ZNF345: variants seen among roughly 807,000 people sequenced by gnomAD.
ZNF345 encodes zinc finger protein HZF10.
For missense variants in ZNF345, 527 were observed against 589.9 expected, an observed-to-expected ratio of 0.89 and a Z score of 1.10; for synonymous variants, 166 against 187.9, an observed-to-expected ratio of 0.88 and a Z score of 0.95.
chr19:36,873,934 C>CATGT (rs2072823538), intron 2 of ZNF345, among the ~76,000 whole-genome samples: 1 of 152,088 alleles, frequency 6.6e-6, no homozygotes, highest in Non-Finnish European at 1.5e-5. Flanking sequence ...CTGCTTTGAA[C>CATGT]ATGTGAGTGC....
chr19:36,859,614 G>A (rs956516402), intron 2 of ZNF345, among the ~76,000 whole-genome samples: 3 of 151,802 alleles, frequency 2.0e-5, no homozygotes, highest in African/African-American at 7.3e-5. Flanking sequence ...TTGATGTCCA[G>A]TTTTTGATAT....
At chr19:36,876,378 A>G (rs2072881702) in intron 2 of ZNF345, among the ~76,000 whole-genome samples, 1 of 152,220 alleles carries the variant, frequency 6.6e-6, no homozygotes, top group South Asian at 2.1e-4. Flanking sequence ...TGATAAATGA[A>G]TATGAGAATT....
downstream of ZNF345, among the ~76,000 whole-genome samples, chr19:36,884,062 T>C (rs1339796575): frequency 1.5e-5 from 2 of 136,052 alleles, no homozygotes; most frequent in African/African-American, 6.9e-5. Flanking sequence ...TGATTACAAC[T>C]TATTTATTTT....
At chr19:36,875,910 A>T (rs1469472196) in intron 2 of ZNF345, among the ~76,000 whole-genome samples, 1 of 152,204 alleles carries the variant, frequency 6.6e-6, no homozygotes, top group Non-Finnish European at 1.5e-5. Context: ...TAGTTACTTT[A>T]TGCAAGTATG....
Position 36,878,018 on chromosome 19 carries a change from A to T in ZNF345, c.1188A>T (p.Arg396Ser), listed in dbSNP as rs2072926606. ...ACCAGCTAATCCATACTGGTGAAAG[A>T]CCCTATGAATGTAAAGAATGTGGAA... ...IQHQLIHTGERPYECKECGKS... is the reference protein window; with the variant it reads ...IQHQLIHTGESPYECKECGKS... Residue 396 changes from arginine to serine, a missense_variant, in exon 3 of 3, where the codon AGA (arginine) becomes AGT (serine). Physicochemically the swap from Arg to Ser is moderately radical, Grantham distance 110. Transcript: ENST00000420450. 2 of 1,613,968 alleles carry T rather than the reference A, an allele frequency of 1.2e-6. No homozygotes were observed. The highest frequency in any genetic ancestry group is 1.7e-6 in the Non-Finnish European group (2 of 1,179,944).
At chr19:36,870,951 A>C (rs1258699539) in intron 2 of ZNF345, among the ~76,000 whole-genome samples, 2 of 152,200 alleles carry the variant, frequency 1.3e-5, no homozygotes, top group Non-Finnish European at 2.9e-5. Context: ...ACATAGAGAA[A>C]AAAAGATTAT....
chr19:36,875,511 G>C (rs1406538792), intron 2 of ZNF345, among the ~76,000 whole-genome samples: 2 of 152,092 alleles, frequency 1.3e-5, no homozygotes, highest in Non-Finnish European at 2.9e-5. Context: ...AGGGATATTA[G>C]GTTGAAGAGA....
chr19:36,864,587 C>T (rs1005867293), intron 2 of ZNF345, among the ~76,000 whole-genome samples: 3 of 151,992 alleles, frequency 2.0e-5, no homozygotes, highest in African/African-American at 4.8e-5. Context: ...CCGAGGAAGA[C>T]GCCCTCCCAG....
intron 2 of ZNF345, among the ~76,000 whole-genome samples, chr19:36,872,033 C>A (rs1214935843): frequency 6.6e-6 from 1 of 152,136 alleles, no homozygotes; most frequent in Non-Finnish European, 1.5e-5. Context: ...TCCCAAAGTG[C>A]TGGGATTACA....
chr19:36,854,001 T>G (rs1391745113), intron 2 of ZNF345, among the ~76,000 whole-genome samples: 2 of 152,202 alleles, frequency 1.3e-5, no homozygotes, highest in Non-Finnish European at 2.9e-5. Flanking sequence ...CTTCTACACT[T>G]GATCTGAGCC....
chr19:36,866,710 A>G (rs1011087387), intron 2 of ZNF345, among the ~76,000 whole-genome samples: 4 of 152,128 alleles, frequency 2.6e-5, no homozygotes, highest in African/African-American at 9.6e-5. Context: ...CACCAAGCCT[A>G]GCTAATTTTT....
chr19:36,886,457 A>T (rs1174559284), intron 3 of ZNF345, among the ~76,000 whole-genome samples: 1 of 152,156 alleles, frequency 6.6e-6, no homozygotes, highest in Non-Finnish European at 1.5e-5. Context: ...CCTGCAAACA[A>T]CCTCAGTCTA....
chr19:36,892,506 AT>A, intron 3 of ZNF345: 2 of 1,522,724 alleles, frequency 1.3e-6, no homozygotes, highest in Non-Finnish European at 1.7e-6. Context: ...AAATTTTCCT[AT>A]TCTGGGCAAG....
intron 2 of ZNF345, among the ~76,000 whole-genome samples, chr19:36,869,764 CTTT>C (rs370081401): frequency 4.3e-5 from 6 of 139,634 alleles, no homozygotes; most frequent in African/African-American, 2.6e-5. Context: ...GATCATTTAG[CTTT>C]TTTTTTTTTT....
At chr19:36,868,303 T>C (rs113611814) in intron 2 of ZNF345, among the ~76,000 whole-genome samples, 2,584 of 152,072 alleles carry the variant, frequency 0.017, 81 homozygotes, top group African/African-American at 0.059. Context: ...CGCCCGGCCT[T>C]GAGTTCACAT....
chr19:36,876,913 A>G lies in ZNF345; in HGVS notation c.83A>G (p.Gln28Arg). The change falls in exon 3 of 3, where the codon CAG becomes CGG. Residue 28 changes from glutamine to arginine, a missense_variant. Transcript: ENST00000420450. ...WECKNQFERK[Q>R]GSQEGHFSEM... is the part of the protein sequence containing the mutation. ...TGTAAAAACCAGTTTGAGAGAAAACAGGGATCTCAGGAAGGACATTTCAGT... is the reference window on the plus strand; with the variant it reads ...TGTAAAAACCAGTTTGAGAGAAAACGGGGATCTCAGGAAGGACATTTCAGT... The G allele has an allele frequency of 3.7e-6, 6 of 1,614,146 alleles. No homozygotes were observed. Among genetic ancestry groups the G allele is most frequent in the Non-Finnish European group, 4.2e-6 (5 of 1,179,984 alleles).
intron 2 of ZNF345, among the ~76,000 whole-genome samples, chr19:36,855,426 G>A (rs1026245166): frequency 6.7e-6 from 1 of 149,822 alleles, no homozygotes; most frequent in African/African-American, 2.5e-5. Flanking sequence ...GGGATTACAG[G>A]CGTGAGCCAC....
intron 2 of ZNF345, among the ~76,000 whole-genome samples, chr19:36,864,973 A>G (rs1180281216): frequency 6.6e-6 from 1 of 152,194 alleles, no homozygotes; most frequent in Non-Finnish European, 1.5e-5. Flanking sequence ...TTGTCTTACC[A>G]GAAGCATTTG....
chr19:36,864,425 G>C (rs925420128), intron 2 of ZNF345, among the ~76,000 whole-genome samples: 1 of 152,116 alleles, frequency 6.6e-6, no homozygotes, highest in Non-Finnish European at 1.5e-5. Flanking sequence ...TGAGGTGGGA[G>C]GATGGCTTCA....
Sources: gnomAD v4.1 joint callset for allele counts (sites outside exome capture counted in the v4.1 genomes callset) on GRCh38, gnomAD v4.1.1 for gene constraint, MANE v1.5 for transcripts, NCBI Gene and HGNC (gene_info 2026-07-23, HGNC 2026-07-21) for gene names.